Variants in CCDC112 observed in about 807,000 individuals in gnomAD.
The protein encoded by CCDC112 is coiled-coil domain-containing protein 112.
Under a neutral mutation model 66.3 loss-of-function variants are expected in CCDC112, and 40 were observed. The observed-to-expected ratio is 0.60, with a 90% CI of 0.47 to 0.79. The LOEUF is 0.79. CCDC112 is among the 30% of genes least tolerant of loss of function. The pLI, the probability that CCDC112 is intolerant of heterozygous loss-of-function variation, is 0.00. For missense variants in CCDC112, 659 were observed against 603.8 expected, an observed-to-expected ratio of 1.09 and a Z score of -0.96; for synonymous variants, 214 against 197.2, an observed-to-expected ratio of 1.09 and a Z score of -0.71.
At chr5:115,287,910 T>A (rs765457361) in intron 1 of CCDC112, among the ~76,000 whole-genome samples, 1 of 152,130 alleles carries the variant, frequency 6.6e-6, no homozygotes, top group Non-Finnish European at 1.5e-5. Context: ...TTATTGGTTG[T>A]GTTGAAAATC....
chr5:115,295,657 T>C (rs1561502431), intron 1 of CCDC112, among the ~76,000 whole-genome samples: 3 of 152,150 alleles, frequency 2.0e-5, no homozygotes, highest in African/African-American at 7.2e-5. Context: ...GTGCTGGGAA[T>C]ACAATAAAGA....
At position 115,279,682 on chromosome 5, in the gene CCDC112, A is replaced by C. The variant is rs1423499160; in HGVS notation, c.326T>G (p.Leu109Trp). 2 of 1,611,792 alleles carry C rather than the reference A, an allele frequency of 1.2e-6. No homozygotes were observed. The highest frequency in any genetic ancestry group is 1.7e-6 in the Non-Finnish European group (2 of 1,178,900). ...CCTGCTGTGAATCAATTTATTTTCC[A>C]ATTCTTCTAGCATACTATGCTCAAT... ...FRIEHSMLEE[L>W]ENKLIHSRKT... The change falls in exon 3 of 10, where the codon TTG becomes TGG. Residue 109 changes from leucine (L) to tryptophan (W), a missense_variant. Coordinates refer to ENST00000379611, the MANE Select transcript of CCDC112 (RefSeq NM_001040440.3).
chr5:115,287,337 C>T (rs1561499181), intron 1 of CCDC112, among the ~76,000 whole-genome samples: 1 of 152,148 alleles, frequency 6.6e-6, no homozygotes, highest in Non-Finnish European at 1.5e-5. Context: ...GGAATGTCTA[C>T]TTAAATCCTT....
chr5:115,287,025 C>A lies in CCDC112; in HGVS notation c.118-2117G>T, dbSNP rs116287491. ...ACATACGACTTGTAAATATATCCCC[C>A]CATTCTCTGAGTTGTCTTTTCACTT... On this transcript the variant is annotated intron_variant, in intron 1 of 9. Coordinates refer to ENST00000379611, the MANE Select transcript of CCDC112 (RefSeq NM_001040440.3). Among the ~76,000 whole-genome samples, 1,361 of 152,224 alleles carry A rather than the reference C, an allele frequency of 8.9e-3. 18 individuals are homozygous for A. Among genetic ancestry groups the A allele is most frequent in the African/African-American group, 0.03 (1,262 of 41,536 alleles).
intron 2 of CCDC112, among the ~76,000 whole-genome samples, chr5:115,281,523 T>C (rs879256325): frequency 6.6e-6 from 1 of 152,204 alleles, no homozygotes; most frequent in African/African-American, 2.4e-5. Context: ...GCAACTCTAA[T>C]GGACTGAGTC....
At position 115,269,740 on chromosome 5, in the gene CCDC112, G is replaced by T; in HGVS notation, c.1391C>A (p.Ser464Ter). 3 of 1,598,510 alleles carry T rather than the reference G, an allele frequency of 1.9e-6. No homozygotes were observed. Among genetic ancestry groups the T allele is most frequent in the Non-Finnish European group, 2.6e-6 (3 of 1,173,940 alleles). The part of the protein sequence containing the change: ...LDRQAKEDEK[S>*]QKQRRLAKLK... ...TTTTGCCAGTCTTCTTTGTTTTTGT[G>T]ACTTTTCATCTTCCTTTGCCTGTCT... The change falls in exon 8 of 10, where the codon TCA becomes TAA. Residue 464 changes from serine (S) to a stop codon, truncating the protein, a stop_gained. Coordinates refer to ENST00000379611, the MANE Select transcript of CCDC112 (RefSeq NM_001040440.3). LOFTEE classifies it high-confidence loss of function.
intron 3 of CCDC112, among the ~76,000 whole-genome samples, chr5:115,278,497 A>C (rs1423029321): frequency 6.6e-6 from 1 of 152,126 alleles, no homozygotes; most frequent in Non-Finnish European, 1.5e-5. Flanking sequence ...TAAAAAAATA[A>C]GCAAAACTAT....
At chr5:115,286,672 G>C (rs1580806890) in intron 1 of CCDC112, among the ~76,000 whole-genome samples, 2 of 152,098 alleles carry the variant, frequency 1.3e-5, no homozygotes, top group African/African-American at 2.4e-5. Flanking sequence ...AGCACTTTGG[G>C]AGGCCAAGGT....
chr5:115,291,418 A>G (rs892433865), intron 1 of CCDC112, among the ~76,000 whole-genome samples: 1 of 152,154 alleles, frequency 6.6e-6, no homozygotes, highest in Non-Finnish European at 1.5e-5. Flanking sequence ...TGTATTTATA[A>G]CAGATACTAT....
intron 8 of CCDC112, 65 bp downstream of exon 8, chr5:115,269,638 G>A: frequency 9.2e-7 from 1 of 1,084,612 alleles, no homozygotes; most frequent in Non-Finnish European, 1.3e-6. Context: ...TAGATTTGAT[G>A]TCAGTATCCT....
chr5:115,275,373 T>G lies in CCDC112; in HGVS notation c.761A>C (p.Asp254Ala). The G allele has an allele frequency of 6.2e-7, 1 of 1,614,124 alleles. No homozygotes were observed. Among genetic ancestry groups the G allele is most frequent in the Non-Finnish European group, 8.5e-7 (1 of 1,180,004 alleles). Residue 254 changes from aspartate (D) to alanine (A), a missense_variant, in exon 6 of 10, where the codon GAT (aspartate) becomes GCT (alanine). Transcript: ENST00000379611. Reference protein sequence around the residue: ...GGRQGAWDDYDHQNFVKVRNK... With the variant: ...GGRQGAWDDYAHQNFVKVRNK... ...TCTCACCTTTACAAAGTTCTGGTGA[T>G]CATAATCATCCCAGGCACCTTGTCG...
intron 3 of CCDC112, 106 bp from the exon 4 acceptor site, chr5:115,277,160 TTAAA>T (rs748892114): frequency 1.3e-4 from 85 of 632,398 alleles, no homozygotes; most frequent in Non-Finnish European, 2.1e-4. Context: ...CCAAGAGCAA[TTAAA>T]TAAAGAACAA....
At position 115,276,054 on chromosome 5, in the gene CCDC112, C is replaced by G; in HGVS notation, c.467G>C (p.Arg156Thr). 1 of 1,605,552 alleles carries G rather than the reference C, an allele frequency of 6.2e-7. No homozygotes were observed. The highest frequency in any genetic ancestry group is 8.5e-7 in the Non-Finnish European group (1 of 1,176,192). The change falls in exon 5 of 10, where the codon AGA (arginine) becomes ACA (threonine). Residue 156 changes from arginine to threonine, a missense_variant. Arg to Thr is a moderately conservative substitution (Grantham distance 71). Transcript: ENST00000379611. Reference sequence around the variant, plus strand: ...ATTTTCAATTTCTTCCATCATTTCTCTGAGCTTCTCAACAACTGTAAAAGA... The same window carrying G: ...ATTTTCAATTTCTTCCATCATTTCTGTGAGCTTCTCAACAACTGTAAAAGA... ...KPTPDFVEKL[R>T]EMMEEIENAI...
chr5:115,290,117 T>C (rs1434994556), intron 1 of CCDC112, among the ~76,000 whole-genome samples: 3 of 152,270 alleles, frequency 2.0e-5, no homozygotes, highest in Non-Finnish European at 4.4e-5. Context: ...TGTGTTTTAT[T>C]CTAAGTTTTT....
At chr5:115,295,176 G>T (rs1750096706) in intron 1 of CCDC112, among the ~76,000 whole-genome samples, 1 of 152,094 alleles carries the variant, frequency 6.6e-6, no homozygotes, top group African/African-American at 2.4e-5. Context: ...ATCTGAAAGA[G>T]CTCCACAGGT....
At chr5:115,269,485 T>C (rs554113676) in intron 8 of CCDC112, 115 of 488,246 alleles carry the variant, frequency 2.4e-4, no homozygotes, top group Middle Eastern at 1.1e-3. Context: ...TAATTCAGAG[T>C]GAAAGAAAAC....
At chr5:115,280,327 A>G in intron 2 of CCDC112, 1 of 152,226 alleles carries the variant, frequency 6.6e-6, no homozygotes, top group East Asian at 1.9e-4. Flanking sequence ...TATTATTAAT[A>G]AAACTAAAAC....
rs878988911 is a variant in CCDC112, at chr5:115,269,077, G to A, written c.1429-77C>T. 3.4e-5 allele frequency: 26 copies of A among 774,876 alleles called. No homozygotes were observed. The South Asian group carries it at 4.9e-4, about 15-fold the overall frequency. 48.0% of individuals were successfully genotyped at this position (774,876 alleles called of 1,614,324 possible). On this transcript the variant is annotated intron_variant, in intron 8 of 9. Transcript: ENST00000379611. ...CTAGTAAATAAGTAAAAGCCTTAGTGCAGTTTTAAAAGACATAGTTGATAT... is the reference window on the plus strand; with the variant it reads ...CTAGTAAATAAGTAAAAGCCTTAGTACAGTTTTAAAAGACATAGTTGATAT...
chr5:115,277,119 T>C, intron 3 of CCDC112, 65 bp from the exon 4 acceptor site: 1 of 920,860 alleles, frequency 1.1e-6, no homozygotes, highest in South Asian at 1.3e-5. Flanking sequence ...TTCAGGAATC[T>C]ACATGTAAGA....
Sources: gnomAD v4.1 joint callset for allele counts (sites outside exome capture counted in the v4.1 genomes callset) on GRCh38, gnomAD v4.1.1 for gene constraint, MANE v1.5 for transcripts, NCBI Gene and HGNC (gene_info 2026-07-23, HGNC 2026-07-21) for gene names.